TUBGCP6: variants seen among roughly 807,000 people sequenced by gnomAD.
TUBGCP6 encodes tubulin gamma complex component 6.
A neutral mutation model predicts 175.8 loss-of-function variants in TUBGCP6; 161 were observed. The ratio of observed to expected loss-of-function variants is 0.92; its 90% CI spans 0.81 to 1.04. TUBGCP6 has a LOEUF of 1.04. Ranked by LOEUF, TUBGCP6 falls within the 50% of genes least tolerant of loss-of-function variation. TUBGCP6 has a pLI of 0.00. For synonymous variants in TUBGCP6, 1,173 were observed against 1,030.5 expected (o/e 1.14, Z -2.65); for missense variants, 2,572 against 2,433.0 (o/e 1.06, Z -1.20).
At chr22:50,233,938 T>TGTCCATGGCAGCATCCACACCCAG (rs935946571) in intron 2 of TUBGCP6, among the ~76,000 whole-genome samples, 4 of 151,958 alleles carry the variant, frequency 2.6e-5, no homozygotes, top group African/African-American at 9.7e-5. Flanking sequence ...ATCTACACCC[T>TGTCCATGGCAGCATCCACACCCAG]GTCCATGGCA....
Position 50,218,359 on chromosome 22 carries a change from C to T in TUBGCP6, c.4998G>A (p.Leu1666=). 2 of 1,613,114 alleles carry T rather than the reference C, an allele frequency of 1.2e-6. No homozygotes were observed. Among genetic ancestry groups the T allele is most frequent in the Non-Finnish European group, 8.5e-7 (1 of 1,179,980 alleles). ...GCTGCATCTCGTGCTTGAACAGCTGCAGCTGACGGAACTGCACAGAGCCGG... is the reference window on the plus strand; with the variant it reads ...GCTGCATCTCGTGCTTGAACAGCTGTAGCTGACGGAACTGCACAGAGCCGG... ...HMAGSVQFRQ[L]QLFKHEMQHF... The change falls in exon 23 of 25, where the codon CTG becomes CTA. Residue 1666 remains leucine, a synonymous_variant. Coordinates refer to ENST00000248846, the MANE Select transcript of TUBGCP6 (RefSeq NM_020461.4).
intron 2 of TUBGCP6, among the ~76,000 whole-genome samples, chr22:50,236,382 A>G (rs2064779025): frequency 6.6e-6 from 1 of 152,054 alleles, no homozygotes; most frequent in South Asian, 2.1e-4. Flanking sequence ...TGATCCGCCC[A>G]CCTCAGCCTC....
Position 50,222,601 on chromosome 22 carries a change from A to G in TUBGCP6, c.2271-9T>C. 1.2e-6 allele frequency: 2 copies of G among 1,609,964 alleles called. No individual in the cohort carries two copies. The highest frequency in any genetic ancestry group is 1.7e-6 in the Non-Finnish European group (2 of 1,179,924). ...GGTCGACCAGTGCCTGCCTGAAGCCACACACCAGAGAGGACACGGCCACAA... is the reference window on the plus strand; with the variant it reads ...GGTCGACCAGTGCCTGCCTGAAGCCGCACACCAGAGAGGACACGGCCACAA... On this transcript the variant is annotated splice_polypyrimidine_tract_variant and intron_variant, in intron 13 of 24. Transcript: ENST00000248846.
rs979697894 is a variant in TUBGCP6 at position 50,220,797 on chromosome 22, G to C, written c.3562C>G (p.His1188Asp). ...MAPARPRWNT[H>D]GHVSDASISL... ...ATGCTGGCATCAGACACGTGTCCAT[G>C]GGTGTTCCACCGTGGCCGGGCGGGA... is the stretch of plus-strand genomic sequence containing the variant. Residue 1188 changes from histidine to aspartate, a missense_variant, in exon 16 of 25, where the codon CAT becomes GAT. His to Asp is a moderately conservative substitution (Grantham distance 81, BLOSUM62 -1). Coordinates refer to ENST00000248846, the MANE Select transcript of TUBGCP6 (RefSeq NM_020461.4). 2 of 1,601,566 alleles carry C rather than the reference G, an allele frequency of 1.2e-6. No individual in the cohort carries two copies. Among genetic ancestry groups the C allele is most frequent in the African/African-American group, 2.7e-5 (2 of 73,580 alleles).
chr22:50,219,387 T>C lies in TUBGCP6; in HGVS notation c.4385A>G (p.Gln1462Arg), dbSNP rs767368553. 5 of 1,577,822 alleles carry C rather than the reference T, an allele frequency of 3.2e-6. No homozygotes were observed. Among genetic ancestry groups the C allele is most frequent in the African/African-American group, 1.3e-5 (1 of 74,684 alleles). The change falls in exon 19 of 25, where the codon CAG becomes CGG. Residue 1462 changes from glutamine to arginine, a missense_variant. Gln to Arg is a conservative substitution (Grantham distance 43). Transcript: ENST00000248846. ...AGTCTCATCAGCGGCAGACTGGACC[T>C]GGGGGTCCACGGGGAAGGCGAAGGC... The part of the protein sequence containing the change: ...PRAFAFPVDP[Q>R]VQSAADETAV...
In TUBGCP6 at chr22:50,218,373, G is replaced by A. The variant is rs765627150; in HGVS notation, c.4984C>T (p.Gln1662Ter). 4 of 1,613,042 alleles carry A rather than the reference G, an allele frequency of 2.5e-6. No homozygotes were observed. Among genetic ancestry groups the A allele is most frequent in the Non-Finnish European group, 2.5e-6 (3 of 1,179,958 alleles). ...TTGAACAGCTGCAGCTGACGGAACT[G>A]CACAGAGCCGGCCATGTGGCTCAGC... ...ALLSHMAGSVQFRQLQLFKHE... is the reference protein window; with the variant it reads ...ALLSHMAGSV The change falls in exon 23 of 25, where the codon CAG (glutamine) becomes TAG (stop). Residue 1662 changes from glutamine (Q) to a stop codon, truncating the protein, a stop_gained. Transcript: ENST00000248846. LOFTEE classifies it high-confidence loss of function.
At chr22:50,238,422 T>C (rs1210839750) in intron 2 of TUBGCP6, among the ~76,000 whole-genome samples, 10 of 150,034 alleles carry the variant, frequency 6.7e-5, no homozygotes, top group Non-Finnish European at 1.3e-4. Context: ...CACTCCAGCC[T>C]GGGCAACAGA....
chr22:50,240,159 G>A (rs200281785), intron 2 of TUBGCP6, 45 bp downstream of exon 2: 1 of 1,611,024 alleles, frequency 6.2e-7, no homozygotes, highest in Non-Finnish European at 8.5e-7. Flanking sequence ...CCACGCTCAT[G>A]CAGGGGTAGG....
chr22:50,222,497 C>A lies in TUBGCP6; in HGVS notation c.2366G>T (p.Ser789Ile). ...TTCTAAGAGAAAACGAAGCCGTGCACTCTCCAGTCGGTGCCTCTGGATTCT... is the reference window on the plus strand; with the variant it reads ...TTCTAAGAGAAAACGAAGCCGTGCAATCTCCAGTCGGTGCCTCTGGATTCT... ...LWRIQRHRLE[S>I]ARLRFLLEDE... Residue 789 changes from serine to isoleucine, a missense_variant, in exon 14 of 25, where the codon AGT (serine) becomes ATT (isoleucine). Transcript: ENST00000248846. 6.2e-7 allele frequency: 1 copy of A among 1,613,888 alleles called. No homozygotes were observed. Among genetic ancestry groups the A allele is most frequent in the Non-Finnish European group, 8.5e-7 (1 of 1,180,040 alleles).
At position 50,220,567 on chromosome 22, in the gene TUBGCP6, TG is replaced by T; in HGVS notation, c.3791del (p.Pro1264HisfsTer60). On this transcript the variant is annotated frameshift_variant, in exon 16 of 25. Coordinates refer to ENST00000248846, the MANE Select transcript of TUBGCP6 (RefSeq NM_020461.4). LOFTEE classifies it high-confidence loss of function. ...GGATGGGTACATGGGTGTTCCACCG[TG>T]GCCGGGTGGAAACCACATCCGACAC... is the stretch of plus-strand genomic sequence containing the variant. ...EPVSDVVSTR[P>X]RWNTHVPIPP... The T allele has an allele frequency of 6.2e-7, 1 of 1,613,608 alleles. No homozygotes were observed. Among genetic ancestry groups the T allele is most frequent in the South Asian group, 1.1e-5 (1 of 91,086 alleles).
rs1183035046 is a variant in TUBGCP6, at chr22:50,240,126, C to G, written c.905+78G>C. Reference sequence around the variant, plus strand: ...TGCCTGGACCCCTGAGTACACAACGCCCCCCACACACCCCATCCAAGGCCA... The same window carrying G: ...TGCCTGGACCCCTGAGTACACAACGGCCCCCACACACCCCATCCAAGGCCA... On this transcript the variant is annotated intron_variant, in intron 2 of 24. Transcript: ENST00000248846. The G allele has an allele frequency of 2.5e-6, 4 of 1,583,424 alleles. No homozygotes were observed. In the South Asian group the frequency reaches 3.4e-5, roughly 13 times the overall value.
chr22:50,229,135 C>A (rs1353708427), intron 4 of TUBGCP6, among the ~76,000 whole-genome samples: 1 of 152,140 alleles, frequency 6.6e-6, no homozygotes, highest in Non-Finnish European at 1.5e-5. Flanking sequence ...TCCTGCCCTG[C>A]GCACCCCTTA....
intron 10 of TUBGCP6, among the ~76,000 whole-genome samples, chr22:50,225,334 A>G (rs1218263691): frequency 1.3e-5 from 2 of 152,024 alleles, no homozygotes; most frequent in Non-Finnish European, 2.9e-5. Flanking sequence ...CCCCTCCCAG[A>G]AGACACAGGA....
Position 50,221,006 on chromosome 22 carries a change from C to G in TUBGCP6, c.3353G>C (p.Gly1118Ala). Residue 1118 changes from glycine (G) to alanine (A), a missense_variant, in exon 16 of 25, where the codon GGG becomes GCG. Physicochemically the swap from Gly to Ala is moderately conservative, Grantham distance 60 (BLOSUM62 0). Transcript: ENST00000248846. ...GGGAGCCACATCTGACACATTCTCC[C>G]CGACCCTGATGCTGGCGTTGGACAC... ...GHVSNASIRV[G>A]ENVSDVAPTR... 1 of 1,612,518 alleles carries G rather than the reference C, an allele frequency of 6.2e-7. No individual in the cohort carries two copies. The highest frequency in any genetic ancestry group is 8.5e-7 in the Non-Finnish European group (1 of 1,179,594).
chr22:50,219,802 A>AC lies in TUBGCP6; in HGVS notation c.4168-12dup. The AC allele has an allele frequency of 1.9e-6, 3 of 1,611,048 alleles. No homozygotes were observed. The highest frequency in any genetic ancestry group is 2.5e-6 in the Non-Finnish European group (3 of 1,178,060). ...GGCAGCTGTGTCTTCCTAACAAAAC[A>AC]CCAGCCTCAGAACCACCTCCCCACT... is the stretch of plus-strand genomic sequence containing the variant. On this transcript the variant is annotated splice_polypyrimidine_tract_variant and intron_variant, in intron 17 of 24. Transcript: ENST00000248846.
intron 3 of TUBGCP6, 139 bp from the exon 4 acceptor site, chr22:50,229,716 A>G: frequency 1.2e-6 from 1 of 803,512 alleles, no homozygotes; most frequent in Non-Finnish European, 1.9e-6. Context: ...CCCAGAAGGC[A>G]TACCCAGAAC....
chr22:50,237,910 G>A (rs1025331032), intron 2 of TUBGCP6, among the ~76,000 whole-genome samples: 4 of 152,124 alleles, frequency 2.6e-5, no homozygotes, highest in East Asian at 1.9e-4. Flanking sequence ...ATCACCTGAC[G>A]GTGGGAGTTC....
Position 50,217,906 on chromosome 22 carries a change from G to C in TUBGCP6, c.5368+12C>G, listed in dbSNP as rs754776705. On this transcript the variant is annotated intron_variant, in intron 24 of 24. Transcript: ENST00000248846. ...GCCCCCCCGCAGCCCTCCCAGCCAGGGTGGGCCTCACCTTTGAAGAGAAAG... is the reference window on the plus strand; with the variant it reads ...GCCCCCCCGCAGCCCTCCCAGCCAGCGTGGGCCTCACCTTTGAAGAGAAAG... 1.9e-6 allele frequency: 3 copies of C among 1,606,112 alleles called. No homozygotes were observed. The African/African-American group carries it at 4.0e-5, about 22-fold the overall frequency.
At chr22:50,242,668 T>A (rs2064854704) in intron 1 of TUBGCP6, among the ~76,000 whole-genome samples, 1 of 152,200 alleles carries the variant, frequency 6.6e-6, no homozygotes, top group Non-Finnish European at 1.5e-5. Context: ...CAGCGTACCA[T>A]GGTAAAGCCT....
Sources: gnomAD v4.1 joint callset for allele counts (sites outside exome capture counted in the v4.1 genomes callset) on GRCh38, gnomAD v4.1.1 for gene constraint, MANE v1.5 for transcripts, NCBI Gene and HGNC (gene_info 2026-07-23, HGNC 2026-07-21) for gene names.